DNAH14: variants seen among roughly 807,000 people sequenced by gnomAD.
The protein encoded by DNAH14 is dynein axonemal heavy chain 14, also known as axonemal beta dynein heavy chain 14.
In DNAH14, 478 loss-of-function variants were observed where a neutral mutation model predicts 520.9. That is an observed-to-expected ratio of 0.92 (90% CI 0.85 to 0.99). The LOEUF (loss-of-function observed/expected upper bound fraction) is 0.99. DNAH14 is among the 50% of genes least tolerant of loss of function. The pLI, the probability that DNAH14 is intolerant of heterozygous loss-of-function variation, is 0.00. For synonymous variants in DNAH14, 1,581 were observed against 1,757.2 expected (o/e 0.90, Z 2.51); for missense variants, 4,831 against 5,234.5 (o/e 0.92, Z 2.38).
chr1:225,329,429 G>T (rs560463571), intron 64 of DNAH14, among the ~76,000 whole-genome samples: 2 of 152,284 alleles, frequency 1.3e-5, no homozygotes, highest in East Asian at 1.9e-4. Flanking sequence ...GGGTCAGGTT[G>T]TGGAGGCATT....
chr1:225,063,843 A>G (rs1469869866), intron 17 of DNAH14, among the ~76,000 whole-genome samples: 1 of 152,022 alleles, frequency 6.6e-6, no homozygotes, highest in African/African-American at 2.4e-5. Flanking sequence ...AAAACATGAT[A>G]AAATTACTGA....
Position 225,277,598 on chromosome 1 carries a change from C to T in DNAH14, c.8271+96C>T, listed in dbSNP as rs117126123. 7.8e-3 allele frequency: 3,275 copies of T among 418,670 alleles called. 63 individuals carry two copies. Among genetic ancestry groups the T allele is most frequent in the East Asian group, 0.048 (661 of 13,812 alleles). The allele number at this position is 418,670 out of a possible 1,614,324, so 25.9% of individuals were successfully genotyped here. On this transcript the variant is annotated intron_variant, in intron 54 of 85. Transcript: ENST00000682510. Reference sequence around the variant, plus strand: ...CTTACAGAAGTTTTATTTAGCCACACTTTGTGAAAAATCACAATAACTGAG... The same window carrying T: ...CTTACAGAAGTTTTATTTAGCCACATTTTGTGAAAAATCACAATAACTGAG...
intron 21 of DNAH14, among the ~76,000 whole-genome samples, chr1:225,094,923 C>T (rs2074812860): frequency 6.6e-6 from 1 of 151,284 alleles, no homozygotes; most frequent in Admixed American, 6.6e-5. Context: ...TGAAAAATTT[C>T]TCATCACTAA....
chr1:225,083,049 G>A (rs1434546632), intron 20 of DNAH14, among the ~76,000 whole-genome samples: 1 of 151,928 alleles, frequency 6.6e-6, no homozygotes, highest in African/African-American at 2.4e-5. Flanking sequence ...TATAGGAATG[G>A]AAATATCAAA....
intron 25 of DNAH14, among the ~76,000 whole-genome samples, chr1:225,118,886 CAAAAAAAAAAAA>C (rs35262847): frequency 1.3e-5 from 1 of 74,640 alleles, no homozygotes; most frequent in Non-Finnish European, 3.1e-5. Flanking sequence ...CTCTCTGTCT[CAAAAAAAAAAAA>C]AAAAAAGAAA....
chr1:224,967,749 A>C, intron 6 of DNAH14, 166 bp downstream of exon 6: 1 of 1,526,148 alleles, frequency 6.6e-7, no homozygotes, highest in Non-Finnish European at 8.7e-7. Flanking sequence ...TTAATAGTGA[A>C]GTTTTTCCTT....
At chr1:225,129,752 G>T (rs921715579) in intron 27 of DNAH14, among the ~76,000 whole-genome samples, 2 of 151,990 alleles carry the variant, frequency 1.3e-5, no homozygotes, top group African/African-American at 4.8e-5. Context: ...CAGGACATAG[G>T]CATGGGCAAG....
At chr1:225,319,092 G>A (rs1295183146) in intron 61 of DNAH14, among the ~76,000 whole-genome samples, 1 of 152,158 alleles carries the variant, frequency 6.6e-6, no homozygotes, top group Non-Finnish European at 1.5e-5. Context: ...GCTTGTACCA[G>A]TTTAGCTACA....
At chr1:225,019,818 A>AGACACAACATACCAGAATCTTCAG (rs1419631370) in intron 10 of DNAH14, among the ~76,000 whole-genome samples, 2 of 152,244 alleles carry the variant, frequency 1.3e-5, no homozygotes, top group East Asian at 3.8e-4. Flanking sequence ...AACTAATAAC[A>AGACACAACATACCAGAATCTTCAG]GACACAACAT....
intron 60 of DNAH14, among the ~76,000 whole-genome samples, chr1:225,315,500 C>T (rs941570614): frequency 2.6e-5 from 4 of 152,136 alleles, no homozygotes; most frequent in South Asian, 2.1e-4. Flanking sequence ...GAGTTGTGAT[C>T]CTTTGGAGGA....
At chr1:225,112,733 C>T (rs1203847944) in intron 23 of DNAH14, among the ~76,000 whole-genome samples, 2 of 151,894 alleles carry the variant, frequency 1.3e-5, no homozygotes, top group Non-Finnish European at 2.9e-5. Flanking sequence ...CTCACTAATT[C>T]TCTCTTCTGC....
At chr1:224,984,455 G>GA (rs2062484105) in intron 8 of DNAH14, among the ~76,000 whole-genome samples, 1 of 152,134 alleles carries the variant, frequency 6.6e-6, no homozygotes, top group African/African-American at 2.4e-5. Context: ...GATAACATTG[G>GA]AAAAACCTTT....
At chr1:225,229,760 C>T (rs1041154182) in intron 41 of DNAH14, among the ~76,000 whole-genome samples, 1 of 151,664 alleles carries the variant, frequency 6.6e-6, no homozygotes, top group African/African-American at 2.4e-5. Context: ...TACACTGGGG[C>T]CTGTCAGGGG....
intron 82 of DNAH14, among the ~76,000 whole-genome samples, chr1:225,388,736 A>G (rs2095869936): frequency 6.6e-6 from 1 of 152,194 alleles, no homozygotes; most frequent in Non-Finnish European, 1.5e-5. Context: ...CTTTCCTAAG[A>G]AATGCACAGG....
intron 3 of DNAH14, among the ~76,000 whole-genome samples, 172 bp from the exon 4 acceptor site, chr1:224,959,981 T>A (rs2060742726): frequency 6.6e-6 from 1 of 152,136 alleles, no homozygotes; most frequent in Non-Finnish European, 1.5e-5. Context: ...CTATGAGTGT[T>A]AAAGCTTGTA....
At chr1:225,169,433 A>G (rs891577090) in intron 36 of DNAH14, among the ~76,000 whole-genome samples, 3 of 152,206 alleles carry the variant, frequency 2.0e-5, no homozygotes, top group Admixed American at 2.0e-4. Flanking sequence ...ACAATAACCA[A>G]TGCAGAGAAG....
At chr1:225,398,977 C>G (rs766017893) in intron 85 of DNAH14, 77 bp from the exon 86 acceptor site, 2 of 1,102,248 alleles carry the variant, frequency 1.8e-6, no homozygotes, top group Non-Finnish European at 2.6e-6. Context: ...TCCCTCAAGC[C>G]TAGCATACAG....
At position 225,185,386 on chromosome 1, in the gene DNAH14, A is replaced by G; in HGVS notation, c.5631A>G (p.Ala1877=). 6.5e-7 allele frequency: 1 copy of G among 1,543,396 alleles called. No homozygotes were observed. The highest frequency in any genetic ancestry group is 8.7e-7 in the Non-Finnish European group (1 of 1,143,928). ...AAGCATTAACGCTATTACCAATTGC[A>G]GACTTCTTATCAGTTGCAGAAAGAA... ...LEKALTLLPI[A]DFLSVAERKS... The change falls in exon 37 of 86, where the codon GCA becomes GCG. Residue 1877 remains alanine, a synonymous_variant. Coordinates refer to ENST00000682510, the MANE Select transcript of DNAH14 (RefSeq NM_001367479.1).
At chr1:225,349,070 T>TA (rs2095328132) in intron 71 of DNAH14, among the ~76,000 whole-genome samples, 1 of 152,080 alleles carries the variant, frequency 6.6e-6, no homozygotes, top group Non-Finnish European at 1.5e-5. Context: ...CTTCTGGGCT[T>TA]AAGTGATCCT....
Sources: gnomAD v4.1 joint callset for allele counts (sites outside exome capture counted in the v4.1 genomes callset) on GRCh38, gnomAD v4.1.1 for gene constraint, MANE v1.5 for transcripts, NCBI Gene and HGNC (gene_info 2026-07-23, HGNC 2026-07-21) for gene names.